INPP4A: variants seen among roughly 807,000 people sequenced by gnomAD.
INPP4A encodes the protein inositol polyphosphate-4-phosphatase type I A, also known as inositol polyphosphate-4-phosphatase, type I, 107kD.
A neutral mutation model predicts 119.8 loss-of-function variants in INPP4A; 33 were observed. The ratio of observed to expected loss-of-function variants is 0.28; its 90% confidence interval spans 0.21 to 0.37. INPP4A has a LOEUF of 0.37. Among genes scored for constraint, INPP4A ranks in the 10% least tolerant of loss-of-function variants. The pLI is 1.00. For missense variants in INPP4A, 956 were observed against 1,289.9 expected, an observed-to-expected ratio of 0.74 and a Z score of 3.97; for synonymous variants, 496 against 500.7, an observed-to-expected ratio of 0.99 and a Z score of 0.12.
intron 1 of INPP4A, among the ~76,000 whole-genome samples, chr2:98,493,312 G>A (rs914109512): frequency 6.6e-6 from 1 of 151,970 alleles, no homozygotes; most frequent in Non-Finnish European, 1.5e-5. Flanking sequence ...TGCCTACCCC[G>A]ACTTCCTGGT....
intron 1 of INPP4A, among the ~76,000 whole-genome samples, chr2:98,465,057 G>A (rs563570627): frequency 2.6e-5 from 4 of 152,324 alleles, no homozygotes; most frequent in African/African-American, 4.8e-5. Flanking sequence ...CAGATAGCGT[G>A]CTGATTGCTT....
intron 19 of INPP4A, 150 bp from the exon 20 acceptor site, chr2:98,565,490 A>T (rs1205459643): frequency 5.8e-6 from 4 of 685,872 alleles, no homozygotes; most frequent in Non-Finnish European, 9.1e-6. Context: ...AGTGAGTTGC[A>T]GGGGAAGAGG....
At chr2:98,483,447 A>G (rs1678881993) in intron 1 of INPP4A, among the ~76,000 whole-genome samples, 1 of 152,128 alleles carries the variant, frequency 6.6e-6, no homozygotes, top group East Asian at 1.9e-4. Flanking sequence ...AGAGATGGTC[A>G]AGTGCAAGGT....
chr2:98,541,258 C>A (rs1691385714), intron 10 of INPP4A, among the ~76,000 whole-genome samples: 1 of 150,672 alleles, frequency 6.6e-6, no homozygotes, highest in South Asian at 2.1e-4. Flanking sequence ...ACCCAGGAGG[C>A]GGAGCTTGCA....
chr2:98,539,097 C>G (rs959569681), intron 9 of INPP4A, 116 bp downstream of exon 9: 5 of 587,788 alleles, frequency 8.5e-6, no homozygotes, highest in African/African-American at 1.9e-5. Context: ...CTAATTGTCA[C>G]CTCTCTGCTG....
rs552162751 is a variant in INPP4A, at chr2:98,592,196, C to G, written c.*4588C>G. Reference sequence around the variant, plus strand: ...CTTATCACTTTCTCCCCAAAATGTCCTCTTCTACCAGCCCCTCTTAAGAGC... The same window carrying G: ...CTTATCACTTTCTCCCCAAAATGTCGTCTTCTACCAGCCCCTCTTAAGAGC... On this transcript the variant is annotated 3_prime_UTR_variant, in exon 25 of 25. Transcript: ENST00000409851. 6.6e-6 allele frequency: 1 copy of G among 152,414 alleles called. No individual in the cohort carries two copies. The highest frequency in any genetic ancestry group is 1.5e-5 in the Non-Finnish European group (1 of 68,108). 9.4% of individuals were successfully genotyped at this position (152,414 alleles called of 1,614,324 possible).
chr2:98,567,898 AAGCTG>A (rs1440493232), intron 21 of INPP4A, among the ~76,000 whole-genome samples: 2 of 152,152 alleles, frequency 1.3e-5, no homozygotes, highest in Admixed American at 6.5e-5. Flanking sequence ...GGCCACAGAG[AAGCTG>A]ATGCTCGGAA....
intron 1 of INPP4A, among the ~76,000 whole-genome samples, chr2:98,451,114 A>G (rs1179098839): frequency 6.6e-6 from 1 of 152,134 alleles, no homozygotes; most frequent in East Asian, 1.9e-4. Flanking sequence ...TTGGAAAGCC[A>G]GGGTCCTGGG....
chr2:98,459,719 G>A (rs1455467692), intron 1 of INPP4A, among the ~76,000 whole-genome samples: 3 of 152,218 alleles, frequency 2.0e-5, no homozygotes, highest in Non-Finnish European at 4.4e-5. Context: ...GGTCCAGAGT[G>A]CCCCACTGTG....
In INPP4A at chr2:98,546,635, A is replaced by G. The variant is rs755467240; in HGVS notation, c.1104A>G (p.Gln368=). The change falls in exon 13 of 25, where the codon CAA becomes CAG. Residue 368 remains glutamine (Q), a synonymous_variant. Coordinates refer to ENST00000409851, the MANE Select transcript of INPP4A (RefSeq NM_001134225.2). This position sits in a 1 kb window ranked among gnomAD's most constrained non-coding sequence, Gnocchi z 4.2. ...VTIGAPAAHC[Q]GFKSGGLRKK... is the part of the protein sequence containing the mutation. ...TTGGGGCGCCAGCAGCACACTGCCA[A>G]GGTTTTAAGTCAGGAGGTCTCCGCA... 9 of 1,614,008 alleles carry G rather than the reference A, an allele frequency of 5.6e-6. No homozygotes were observed. The highest frequency in any genetic ancestry group is 7.6e-6 in the Non-Finnish European group (9 of 1,179,844).
At chr2:98,491,975 T>A (rs1680894102) in intron 1 of INPP4A, among the ~76,000 whole-genome samples, 1 of 152,148 alleles carries the variant, frequency 6.6e-6, no homozygotes, top group African/African-American at 2.4e-5. Context: ...CTGCAGCCTC[T>A]GCCCCCTGGG....
At chr2:98,507,808 G>C (rs982719563) in intron 1 of INPP4A, among the ~76,000 whole-genome samples, 2 of 152,168 alleles carry the variant, frequency 1.3e-5, no homozygotes, top group Admixed American at 1.3e-4. Context: ...CCATGTTCCT[G>C]CTGAGGTGTT....
intron 17 of INPP4A, among the ~76,000 whole-genome samples, chr2:98,559,941 C>G (rs904080725): frequency 6.6e-6 from 1 of 152,220 alleles, no homozygotes; most frequent in Admixed American, 6.5e-5. Flanking sequence ...GGTTGGCAAG[C>G]TACAGCTCTG....
At chr2:98,527,756 G>A (rs1688444258) in intron 4 of INPP4A, among the ~76,000 whole-genome samples, 2 of 152,168 alleles carry the variant, frequency 1.3e-5, no homozygotes, top group African/African-American at 4.8e-5. Flanking sequence ...GGTATTTAAG[G>A]AAATATCTGT....
chr2:98,466,292 C>CGCCTTG (rs1674769326), intron 1 of INPP4A, among the ~76,000 whole-genome samples: 1 of 152,216 alleles, frequency 6.6e-6, no homozygotes, highest in African/African-American at 2.4e-5. Flanking sequence ...GCAATCTGCC[C>CGCCTTG]GCCTTGGCCT....
At chr2:98,571,415 C>A (rs77047806) in intron 22 of INPP4A, among the ~76,000 whole-genome samples, 2,649 of 152,276 alleles carry the variant, frequency 0.017, 42 homozygotes, top group Non-Finnish European at 0.023. Flanking sequence ...GTAGGGGGCG[C>A]GTGCTGAGGC....
intron 1 of INPP4A, among the ~76,000 whole-genome samples, chr2:98,502,741 A>T (rs1177183467): frequency 6.6e-6 from 1 of 152,180 alleles, no homozygotes; most frequent in South Asian, 2.1e-4. Flanking sequence ...AGTTCTTGTG[A>T]CTTTTGTGAG....
chr2:98,551,903 G>A (rs1693592650), intron 13 of INPP4A, among the ~76,000 whole-genome samples: 1 of 152,248 alleles, frequency 6.6e-6, no homozygotes, highest in South Asian at 2.1e-4. Flanking sequence ...ATCAGGCTAA[G>A]AGACATGCAA....
chr2:98,540,525 G>T (rs1485051049), intron 10 of INPP4A, among the ~76,000 whole-genome samples: 2 of 152,338 alleles, frequency 1.3e-5, no homozygotes, highest in East Asian at 3.9e-4. Flanking sequence ...ATTTTGTGCT[G>T]CTGTAACAGA....
Sources: gnomAD v4.1 joint callset for allele counts (sites outside exome capture counted in the v4.1 genomes callset) on GRCh38, gnomAD v4.1.1 for gene constraint, Gnocchi (gnomAD v3.1) non-coding constraint, MANE v1.5 for transcripts, NCBI Gene and HGNC (gene_info 2026-07-23, HGNC 2026-07-21) for gene names.